STXBP5L: variants seen among roughly 807,000 people sequenced by gnomAD.
STXBP5L encodes the protein syntaxin-binding protein 5-like.
A neutral mutation model predicts 144.5 loss-of-function variants in STXBP5L; 65 were observed. The ratio of observed to expected loss-of-function variants is 0.45; its 90% confidence interval spans 0.37 to 0.55. The LOEUF (loss-of-function observed/expected upper bound fraction) is 0.55. Among genes scored for constraint, STXBP5L ranks in the 20% least tolerant of loss-of-function variants. The pLI is 0.00. For missense variants in STXBP5L, 1,298 were observed against 1,405.5 expected, an observed-to-expected ratio of 0.92 and a Z score of 1.22; for synonymous variants, 505 against 469.6, an observed-to-expected ratio of 1.08 and a Z score of -0.97.
intron 7 of STXBP5L, among the ~76,000 whole-genome samples, chr3:121,144,919 C>A (rs2045656592): frequency 6.6e-6 from 1 of 151,908 alleles, no homozygotes; most frequent in South Asian, 2.1e-4. Flanking sequence ...AAGACAGATT[C>A]TTCACTATTC....
At position 121,399,382 on chromosome 3, in the gene STXBP5L, C is replaced by T. The variant is rs138552249; in HGVS notation, c.2588-7861C>T. ...TGGATGCCACTTGCTGAGACCAGCT[C>T]GGTTGGGGAGACCCTAACTCAGTGG... is the stretch of plus-strand genomic sequence containing the variant. On this transcript the variant is annotated intron_variant, in intron 22 of 26. Transcript: ENST00000471454. Among the ~76,000 whole-genome samples, 439 of 152,216 alleles carry T rather than the reference C, an allele frequency of 2.9e-3. 1 individual carries two copies. The highest frequency in any genetic ancestry group is 4.3e-3 in the Non-Finnish European group (291 of 68,004).
chr3:121,336,029 G>A (rs557013919), intron 20 of STXBP5L, among the ~76,000 whole-genome samples: 1 of 152,168 alleles, frequency 6.6e-6, no homozygotes, highest in East Asian at 1.9e-4. Flanking sequence ...ATCTGACAAA[G>A]GACTAATATC....
intron 20 of STXBP5L, among the ~76,000 whole-genome samples, chr3:121,350,121 G>A (rs896631374): frequency 2.0e-5 from 3 of 152,040 alleles, no homozygotes; most frequent in African/African-American, 7.3e-5. Context: ...CATGTTCAGT[G>A]CTTCCTTCAG....
chr3:121,152,856 CTA>C (rs1287237657), intron 8 of STXBP5L, among the ~76,000 whole-genome samples: 3 of 152,052 alleles, frequency 2.0e-5, no homozygotes, highest in African/African-American at 7.2e-5. Flanking sequence ...GTCACCTGTA[CTA>C]TATCCCCAAC....
chr3:121,072,130 A>G (rs1261945937), intron 5 of STXBP5L, among the ~76,000 whole-genome samples: 1 of 152,240 alleles, frequency 6.6e-6, no homozygotes, highest in East Asian at 1.9e-4. Flanking sequence ...AGTTAAAGGC[A>G]GTTCAAATTT....
chr3:121,100,329 A>G (rs1027513270), intron 5 of STXBP5L, among the ~76,000 whole-genome samples: 15 of 152,114 alleles, frequency 9.9e-5, no homozygotes, highest in Admixed American at 8.5e-4. Context: ...ACATACTCCA[A>G]ACTTGACCAC....
chr3:121,199,146 T>C (rs2048037717), intron 9 of STXBP5L, among the ~76,000 whole-genome samples: 1 of 152,180 alleles, frequency 6.6e-6, no homozygotes, highest in African/African-American at 2.4e-5. Flanking sequence ...GTTTGTGTGC[T>C]CTCTGATTAC....
chr3:121,355,019 C>T (rs2045451043), intron 20 of STXBP5L, among the ~76,000 whole-genome samples: 1 of 152,206 alleles, frequency 6.6e-6, no homozygotes, highest in African/African-American at 2.4e-5. Context: ...TTGGCTCCCA[C>T]TCTCTTCTGG....
rs538731166 is a variant in STXBP5L at position 121,011,082 on chromosome 3, C to G, written c.288-30618C>G. On this transcript the variant is annotated intron_variant, in intron 3 of 26. Coordinates refer to ENST00000471454, the MANE Select transcript of STXBP5L (RefSeq NM_001308330.2). ...TGTTTTAAATCTAGTATGTCTACCT[C>G]TTGGAGTTTCAGGACTGCTTTCTTT... Among the ~76,000 whole-genome samples, 17 of 149,588 alleles carry G rather than the reference C, an allele frequency of 1.1e-4. No individual in the cohort carries two copies. The South Asian group carries it at 3.6e-3, about 32-fold the overall frequency.
At chr3:121,108,682 G>A (rs1027994066) in intron 5 of STXBP5L, among the ~76,000 whole-genome samples, 8 of 152,034 alleles carry the variant, frequency 5.3e-5, no homozygotes, top group African/African-American at 1.9e-4. Context: ...TTCTTTTTTA[G>A]TTGTATCTCT....
intron 10 of STXBP5L, among the ~76,000 whole-genome samples, chr3:121,218,427 G>A (rs2048870028): frequency 6.7e-6 from 1 of 148,992 alleles, no homozygotes; most frequent in South Asian, 2.1e-4. Context: ...CTAAACAAAT[G>A]CGATTTGTTT....
At chr3:120,941,060 A>C (rs892240682) in intron 2 of STXBP5L, among the ~76,000 whole-genome samples, 2 of 151,884 alleles carry the variant, frequency 1.3e-5, no homozygotes, top group Non-Finnish European at 2.9e-5. Flanking sequence ...TTGTACTTAC[A>C]TAATATGTTC....
intron 5 of STXBP5L, among the ~76,000 whole-genome samples, chr3:121,058,823 G>T (rs1009338383): frequency 4.9e-5 from 6 of 122,690 alleles, no homozygotes; most frequent in South Asian, 2.5e-4. Context: ...TGATGGGGTT[G>T]TTTTTTTCTT....
intron 4 of STXBP5L, among the ~76,000 whole-genome samples, chr3:121,043,719 A>G (rs1222584815): frequency 1.3e-5 from 2 of 152,044 alleles, no homozygotes; most frequent in Non-Finnish European, 2.9e-5. Flanking sequence ...AAAACAAACA[A>G]ACAAACAAAA....
intron 22 of STXBP5L, among the ~76,000 whole-genome samples, chr3:121,404,233 A>G (rs1439670563): frequency 6.6e-6 from 1 of 151,816 alleles, no homozygotes; most frequent in Non-Finnish European, 1.5e-5. Context: ...ATCACCCTTG[A>G]CCCCCATATT....
intron 20 of STXBP5L, chr3:121,324,627 A>G (rs1016540252): frequency 4.6e-6 from 3 of 648,082 alleles, no homozygotes; most frequent in Non-Finnish European, 8.2e-6. Context: ...AAAGTTATTC[A>G]TATCTTCACA....
At chr3:121,074,521 G>A (rs1019897303) in intron 5 of STXBP5L, among the ~76,000 whole-genome samples, 3 of 152,100 alleles carry the variant, frequency 2.0e-5, no homozygotes, top group African/African-American at 7.2e-5. Context: ...ATTCACACTG[G>A]GTAAGTGCCC....
chr3:121,027,258 A>G (rs1161287660), intron 3 of STXBP5L, among the ~76,000 whole-genome samples: 1 of 152,094 alleles, frequency 6.6e-6, no homozygotes, highest in Non-Finnish European at 1.5e-5. Flanking sequence ...ACATTCTGAA[A>G]GAGAGTACTC....
At chr3:121,039,985 T>C (rs1947035354) in intron 3 of STXBP5L, among the ~76,000 whole-genome samples, 1 of 152,076 alleles carries the variant, frequency 6.6e-6, no homozygotes, top group Non-Finnish European at 1.5e-5. Context: ...GATAGATCTA[T>C]CTTCTGTATA....
Sources: gnomAD v4.1 joint callset for allele counts (sites outside exome capture counted in the v4.1 genomes callset) on GRCh38, gnomAD v4.1.1 for gene constraint, MANE v1.5 for transcripts, NCBI Gene and HGNC (gene_info 2026-07-23, HGNC 2026-07-21) for gene names.